MAP7D3: variants seen among roughly 807,000 people sequenced by gnomAD.
MAP7D3 encodes the protein MAP7 domain-containing protein 3.
In MAP7D3, 45 loss-of-function variants were observed where a neutral mutation model predicts 62.2. The observed-to-expected ratio is 0.72, with a 90% confidence interval of 0.57 to 0.93. MAP7D3 has a LOEUF of 0.93. Ranked by LOEUF, MAP7D3 falls within the 40% of genes least tolerant of loss-of-function variation. The probability of loss-of-function intolerance (pLI) is 0.00; values close to 1 mark genes in which losing one functional copy is unlikely to be tolerated. For synonymous variants in MAP7D3, 288 were observed against 248.8 expected (o/e 1.16, Z -1.48); for missense variants, 711 against 683.1 (o/e 1.04, Z -0.45).
intron 11 of MAP7D3, among the ~76,000 whole-genome samples, chrX:136,227,949 T>C (rs760779255): frequency 5.3e-5 from 6 of 112,277 alleles, no homozygotes; most frequent in South Asian, 7.4e-4. Flanking sequence ...TATAAGCATA[T>C]GGAAAATGTG....
At chrX:136,237,415 T>G (rs981561521) in intron 6 of MAP7D3, among the ~76,000 whole-genome samples, 5 of 112,303 alleles carry the variant, frequency 4.5e-5, no homozygotes, top group African/African-American at 1.3e-4. Flanking sequence ...CTTAAAATAT[T>G]ACAGGTTAGA....
intron 1 of MAP7D3, among the ~76,000 whole-genome samples, chrX:136,247,295 C>G (rs1389854069): frequency 8.9e-6 from 1 of 112,023 alleles, no homozygotes; most frequent in Admixed American, 9.5e-5. Context: ...AAATGTCCCA[C>G]AATACTGAGC....
chrX:136,228,519 C>G lies in MAP7D3; in HGVS notation c.1886+104G>C, dbSNP rs1051141029. Reference sequence around the variant, plus strand: ...ACTTCTGATCCTCACTGAAGAAAGTCAATTGTTCTTTGAGAATTTATAACT... The same window carrying G: ...ACTTCTGATCCTCACTGAAGAAAGTGAATTGTTCTTTGAGAATTTATAACT... On this transcript the variant is annotated intron_variant, in intron 11 of 18. Transcript: ENST00000316077. 15 of 829,243 alleles carry G rather than the reference C, an allele frequency of 1.8e-5. 1 individual carries two copies. Among genetic ancestry groups the G allele is most frequent in the Non-Finnish European group, 2.6e-5 (15 of 586,297 alleles). 68.3% of individuals were successfully genotyped at this position (829,243 alleles called of 1,213,427 possible). A position where few individuals can be genotyped will look rare whatever the true frequency, so the allele number is the denominator to read the frequency against.
In MAP7D3 at chrX:136,227,463, T is replaced by C. The variant is rs374272674; in HGVS notation, c.1887-32A>G. ...GTATTTAAATAATTGTTAGTATTTA[T>C]CTTGATTGCTATCATACTCAGCTTG... is the stretch of plus-strand genomic sequence containing the variant. On this transcript the variant is annotated intron_variant, in intron 11 of 18. Transcript: ENST00000316077. The C allele has an allele frequency of 1.1e-5, 12 of 1,071,306 alleles. No homozygotes were observed. In the African/African-American group the frequency reaches 1.5e-4, roughly 13 times the overall value. 88.3% of individuals were successfully genotyped at this position (1,071,306 alleles called of 1,213,427 possible).
chrX:136,241,402 A>G (rs993793716), intron 4 of MAP7D3, 125 bp from the exon 5 acceptor site: 5 of 379,696 alleles, frequency 1.3e-5, no homozygotes, highest in Non-Finnish European at 2.3e-5. Context: ...ATAATTGGAG[A>G]TATGTCTCAG....
rs771234960 is a variant in MAP7D3, at chrX:136,246,066, G to A, written c.252C>T (p.Asp84=). 1.3e-5 allele frequency: 15 copies of A among 1,178,850 alleles called. No individual in the cohort carries two copies. The highest frequency in any genetic ancestry group is 2.2e-5 in the Admixed American group (1 of 44,453). Residue 84 remains aspartate (D), a splice_region_variant and synonymous_variant, in exon 3 of 19, where the codon GAC becomes GAT. Transcript: ENST00000316077. Reference sequence around the variant, plus strand: ...TTTGAAAAAAGGTCTAAAATATACCGTCTTGCTGTCTCCTTTTCTCCTCTC... The same window carrying A: ...TTTGAAAAAAGGTCTAAAATATACCATCTTGCTGTCTCCTTTTCTCCTCTC... ...ERREEKRRQQ[D]ANKETQLLEK...
At chrX:136,235,628 A>G (rs1378074375) in intron 7 of MAP7D3, among the ~76,000 whole-genome samples, 1 of 110,942 alleles carries the variant, frequency 9.0e-6, no homozygotes, top group African/African-American at 3.3e-5. Flanking sequence ...AGGCGCCTAT[A>G]ATCCCAGCTA....
Position 136,247,388 on chromosome X carries a change from T to C in MAP7D3, c.71-1047A>G, listed in dbSNP as rs1217607560. Among the ~76,000 whole-genome samples the C allele has an allele frequency of 3.6e-5, 4 of 111,811 alleles. No individual in the cohort carries two copies. In the East Asian group the frequency reaches 8.4e-4, roughly 23 times the overall value. ...GAAAAGCACAGGAAGTAAGCCCCTG[T>C]GATGCTGCATACAAGTCTGGTTTCT... On this transcript the variant is annotated intron_variant, in intron 1 of 18. Coordinates refer to ENST00000316077, the MANE Select transcript of MAP7D3 (RefSeq NM_024597.4).
rs752077787 is a variant in MAP7D3 at position 136,228,497 on chromosome X, T to C, written c.1886+126A>G. 22 of 683,723 alleles carry C rather than the reference T, an allele frequency of 3.2e-5. No individual in the cohort carries two copies. The African/African-American group carries it at 4.6e-4, about 14-fold the overall frequency. 56.3% of individuals were successfully genotyped at this position (683,723 alleles called of 1,213,427 possible). A position where few individuals can be genotyped will look rare whatever the true frequency, so the allele number is the denominator to read the frequency against. On this transcript the variant is annotated intron_variant, in intron 11 of 18. Coordinates refer to ENST00000316077, the MANE Select transcript of MAP7D3 (RefSeq NM_024597.4). ...CTTCCTATGCAGGCAATGAGGCACTTCTGATCCTCACTGAAGAAAGTCAAT... is the reference window on the plus strand; with the variant it reads ...CTTCCTATGCAGGCAATGAGGCACTCCTGATCCTCACTGAAGAAAGTCAAT...
At chrX:136,254,135 A>T (rs959685152), upstream of MAP7D3, among the ~76,000 whole-genome samples, 4 of 107,523 alleles carry the variant, frequency 3.7e-5, no homozygotes, top group Non-Finnish European at 7.7e-5. Context: ...CCCAGGCTGG[A>T]GTGCAGTGGT....
chrX:136,248,774 C>T (rs913304790), intron 1 of MAP7D3, among the ~76,000 whole-genome samples: 5 of 112,022 alleles, frequency 4.5e-5, no homozygotes, highest in Non-Finnish European at 5.6e-5. Context: ...ATAAAGTGGA[C>T]GTAATTATTT....
In MAP7D3 at chrX:136,230,571, G is replaced by A. The variant is rs761763866; in HGVS notation, c.1564C>T (p.Pro522Ser). The change falls in exon 10 of 19, where the codon CCT (proline) becomes TCT (serine). Residue 522 changes from proline to serine, a missense_variant. Physicochemically the swap from Pro to Ser is moderately conservative, Grantham distance 74. Transcript: ENST00000316077. Reference protein sequence around the residue: ...STNRQIQKNCPPSPLPLISKQ... With the variant: ...STNRQIQKNCSPSPLPLISKQ... The stretch of plus-strand genomic sequence containing the variant: ...GAAATAAGTGGTAATGGTGATGGAG[G>A]GCAGTTCTTTTGGATTTGCCTGCTG... 2.5e-6 allele frequency: 3 copies of A among 1,192,806 alleles called. No individual in the cohort carries two copies. The Admixed American group carries it at 6.6e-5, about 26-fold the overall frequency.
chrX:136,231,158 C>T (rs757361798), intron 8 of MAP7D3, 192 bp from the exon 9 acceptor site: 28 of 345,821 alleles, frequency 8.1e-5, no homozygotes, highest in African/African-American at 1.1e-4. Flanking sequence ...TTACATTACA[C>T]AATTCCAGGA....
chrX:136,224,787 A>T, intron 14 of MAP7D3, 40 bp downstream of exon 14: 1 of 935,467 alleles, frequency 1.1e-6, no homozygotes, highest in Non-Finnish European at 1.5e-6. Context: ...GTGAAACAAG[A>T]GGCATTCTTA....
intron 15 of MAP7D3, among the ~76,000 whole-genome samples, chrX:136,221,413 C>A (rs1180014624): frequency 8.9e-6 from 1 of 112,053 alleles, no homozygotes; most frequent in African/African-American, 3.2e-5. Context: ...GCAAGCTCCA[C>A]CTCCAGGGTT....
chrX:136,228,216 CATGAGTAA>C (rs1160979268), intron 11 of MAP7D3, among the ~76,000 whole-genome samples: 2 of 111,979 alleles, frequency 1.8e-5, no homozygotes, highest in Non-Finnish European at 3.8e-5. Flanking sequence ...AAAAGTAAAA[CATGAGTAA>C]GTATAATTTT....
Position 136,230,239 on chromosome X carries a change from C to T in MAP7D3, c.1750+146G>A, listed in dbSNP as rs189760016. ...ACAGAGAAGATACATTCCAATGTAC[C>T]AGAGATTGGTTAGATTCTCTCTTTC... is the stretch of plus-strand genomic sequence containing the variant. On this transcript the variant is annotated intron_variant, in intron 10 of 18. Coordinates refer to ENST00000316077, the MANE Select transcript of MAP7D3 (RefSeq NM_024597.4). The T allele has an allele frequency of 1.2e-5, 5 of 431,012 alleles. No individual in the cohort carries two copies. In the Admixed American group the frequency reaches 2.2e-4, roughly 19 times the overall value. The allele number at this position is 431,012 out of a possible 1,213,427, so 35.5% of individuals were successfully genotyped here.
At chrX:136,227,192 T>A in intron 12 of MAP7D3, 92 bp downstream of exon 12, 3 of 785,574 alleles carry the variant, frequency 3.8e-6, no homozygotes, top group Non-Finnish European at 5.5e-6. Context: ...TGCTCATGTC[T>A]TCTTTCTCAG....
At chrX:136,227,466 TGATTGCTATCATA>T (rs1300713337) in intron 11 of MAP7D3, 35 bp from the exon 12 acceptor site, 1 of 1,070,816 alleles carries the variant, frequency 9.3e-7, no homozygotes, top group Non-Finnish European at 1.3e-6. Context: ...GTATTTATCT[TGATTGCTATCATA>T]CTCAGCTTGC....
Sources: gnomAD v4.1 joint callset for allele counts (sites outside exome capture counted in the v4.1 genomes callset) on GRCh38, gnomAD v4.1.1 for gene constraint, MANE v1.5 for transcripts, NCBI Gene and HGNC (gene_info 2026-07-23, HGNC 2026-07-21) for gene names.